The following AGTPBP1 variants were observed in gnomAD, a reference collection of about 807,000 sequenced individuals.
The protein encoded by AGTPBP1 is cytosolic carboxypeptidase 1.
In AGTPBP1, 70 loss-of-function variants were observed where a neutral mutation model predicts 143.9. That is an observed-to-expected ratio of 0.49 (90% CI 0.40 to 0.59). AGTPBP1 has a LOEUF of 0.59. Ranked by LOEUF, AGTPBP1 falls within the 20% of genes least tolerant of loss-of-function variation. AGTPBP1 has a pLI of 0.00. For synonymous variants in AGTPBP1, 463 were observed against 500.2 expected, an observed-to-expected ratio of 0.93 and a Z score of 0.99; for missense variants, 1,229 against 1,464.5, an observed-to-expected ratio of 0.84 and a Z score of 2.62.
At chr9:85,780,979 TG>T in the AGTPBP1 span, among the ~76,000 whole-genome samples, 1 of 152,022 alleles carries the variant, frequency 6.6e-6, no homozygotes, top group East Asian at 1.9e-4. Context: ...TAGCCGGGCG[TG>T]GTGCTGGGCA....
chr9:85,585,924 C>T (rs1341264469), intron 22 of AGTPBP1, among the ~76,000 whole-genome samples: 3 of 152,048 alleles, frequency 2.0e-5, no homozygotes, highest in Non-Finnish European at 2.9e-5. Flanking sequence ...AAACATTTAC[C>T]TAATTTGGCC....
intron 1 of AGTPBP1, among the ~76,000 whole-genome samples, chr9:85,732,405 G>A (rs1207795594): frequency 6.6e-6 from 1 of 151,570 alleles, no homozygotes; most frequent in African/African-American, 2.4e-5. Flanking sequence ...TAGTAGAGAC[G>A]GGGTTTTACC....
At chr9:85,755,225 A>C in the AGTPBP1 span, among the ~76,000 whole-genome samples, 15 of 152,134 alleles carry the variant, frequency 9.9e-5, no homozygotes, top group Non-Finnish European at 2.2e-4. Context: ...TATAAGGTTC[A>C]TGAAGGACTA....
At chr9:85,600,913 T>C (rs1418412544) in intron 17 of AGTPBP1, among the ~76,000 whole-genome samples, 3 of 151,754 alleles carry the variant, frequency 2.0e-5, no homozygotes, top group African/African-American at 7.3e-5. Flanking sequence ...AGACCCCACT[T>C]CCCAGCAGCA....
chr9:85,562,346 A>C (rs1000540320), intron 25 of AGTPBP1, among the ~76,000 whole-genome samples: 7 of 152,212 alleles, frequency 4.6e-5, no homozygotes, highest in Non-Finnish European at 1.5e-5. Flanking sequence ...TGCTCTGATA[A>C]AGAATAACTA....
intron 17 of AGTPBP1, among the ~76,000 whole-genome samples, chr9:85,600,296 C>G (rs1829579509): frequency 6.6e-6 from 1 of 152,132 alleles, no homozygotes; most frequent in Non-Finnish European, 1.5e-5. Flanking sequence ...GTTTTGACCC[C>G]TCCACTCACA....
chr9:85,796,856 G>A, the AGTPBP1 span, among the ~76,000 whole-genome samples: 2 of 151,982 alleles, frequency 1.3e-5, no homozygotes, highest in Non-Finnish European at 1.5e-5. Context: ...GTGCAGTCTC[G>A]GCTCACTGCA....
intron 11 of AGTPBP1, among the ~76,000 whole-genome samples, chr9:85,649,347 T>G (rs1833007335): frequency 6.6e-6 from 1 of 152,222 alleles, no homozygotes; most frequent in Non-Finnish European, 1.5e-5. Flanking sequence ...TGATCTACTT[T>G]CCCTTTATGT....
chr9:85,610,913 C>A (rs1368370392), intron 17 of AGTPBP1, among the ~76,000 whole-genome samples: 1 of 152,122 alleles, frequency 6.6e-6, no homozygotes, highest in Non-Finnish European at 1.5e-5. Flanking sequence ...TTGTACTGAC[C>A]TAACAAATCT....
intron 25 of AGTPBP1, among the ~76,000 whole-genome samples, chr9:85,555,521 C>T (rs921457798): frequency 6.6e-6 from 1 of 152,154 alleles, no homozygotes; most frequent in African/African-American, 2.4e-5. Flanking sequence ...ATCACTTGAA[C>T]CCAGGAGGCA....
intron 1 of AGTPBP1, among the ~76,000 whole-genome samples, chr9:85,713,717 G>T (rs1478485894): frequency 6.6e-6 from 1 of 152,022 alleles, no homozygotes; most frequent in Non-Finnish European, 1.5e-5. Context: ...TTCAATAACA[G>T]AACTTTTCAA....
chr9:85,741,579 G>C (rs1824283376), intron 1 of AGTPBP1, 196 bp downstream of exon 1: 1 of 985,272 alleles, frequency 1.0e-6, no homozygotes, highest in Admixed American at 6.1e-5. Flanking sequence ...ACCCCGTCAG[G>C]GCTTTCCCTC....
In AGTPBP1 at chr9:85,693,530, G is replaced by A. The variant is rs576880390; in HGVS notation, c.33-717C>T. On this transcript the variant is annotated intron_variant, in intron 2 of 25. Coordinates refer to ENST00000357081, the MANE Select transcript of AGTPBP1 (RefSeq NM_001330701.2). ...GGAGAATTGCTTGAATCCAGGAGGC[G>A]GAGGTTGCAGTGAGCTGAGATCATG... Among the ~76,000 whole-genome samples, 9 of 152,198 alleles carry A rather than the reference G, an allele frequency of 5.9e-5. No individual in the cohort carries two copies. The South Asian group carries it at 8.3e-4, about 14-fold the overall frequency.
chr9:85,704,295 C>A (rs1836847885), intron 2 of AGTPBP1, among the ~76,000 whole-genome samples: 1 of 152,098 alleles, frequency 6.6e-6, no homozygotes, highest in African/African-American at 2.4e-5. Flanking sequence ...ACAGAGAAAA[C>A]TCCAGAGATG....
chr9:85,586,038 C>G (rs1370779453), intron 22 of AGTPBP1, among the ~76,000 whole-genome samples: 1 of 152,030 alleles, frequency 6.6e-6, no homozygotes, highest in Non-Finnish European at 1.5e-5. Context: ...CATGGTAAAA[C>G]CCCGTCTCTA....
At position 85,622,461 on chromosome 9, in the gene AGTPBP1, T is replaced by C. The variant is rs755979864; in HGVS notation, c.2016-1176A>G. ...AAAATAAGCCAAGAACCTACCCTAATTGAAAAATTAAAAATTACCAGGAAA... is the reference window on the plus strand; with the variant it reads ...AAAATAAGCCAAGAACCTACCCTAACTGAAAAATTAAAAATTACCAGGAAA... On this transcript the variant is annotated intron_variant, in intron 14 of 25. Coordinates refer to ENST00000357081, the MANE Select transcript of AGTPBP1 (RefSeq NM_001330701.2). 3.3e-5 allele frequency among the ~76,000 whole-genome samples: 5 copies of C among 151,892 alleles called. No homozygotes were observed. The South Asian group carries it at 8.3e-4, about 25-fold the overall frequency.
chr9:85,597,532 GTTATGT>G (rs1326635897), intron 17 of AGTPBP1, among the ~76,000 whole-genome samples: 1 of 151,924 alleles, frequency 6.6e-6, no homozygotes, highest in African/African-American at 2.4e-5. Context: ...AATCAACTTT[GTTATGT>G]TTAAGTCAAA....
the AGTPBP1 span, among the ~76,000 whole-genome samples, chr9:85,796,889 C>T: frequency 1.4e-4 from 22 of 152,042 alleles, no homozygotes; most frequent in Non-Finnish European, 2.1e-4. Flanking sequence ...CTGGTTCAAG[C>T]GATTCTCCTG....
intron 9 of AGTPBP1, among the ~76,000 whole-genome samples, chr9:85,658,081 T>G (rs1206582866): frequency 6.6e-6 from 1 of 152,142 alleles, no homozygotes; most frequent in Non-Finnish European, 1.5e-5. Flanking sequence ...AAACTTTATG[T>G]TCCCACTGAA....
Sources: allele counts gnomAD v4.1 joint callset (sites outside exome capture counted in the v4.1 genomes callset), GRCh38; gene constraint gnomAD v4.1.1; transcripts MANE v1.5; gene names NCBI Gene and HGNC (gene_info 2026-07-23, HGNC 2026-07-21).